Variants in ERC1 observed in about 807,000 individuals in gnomAD.
ERC1 encodes the protein ELKS/RAB6-interacting/CAST family member 1.
Under a neutral mutation model 132.0 loss-of-function variants are expected in ERC1, and 56 were observed. The observed-to-expected ratio is 0.42, with a 90% CI of 0.34 to 0.53. The LOEUF is 0.53. Among genes scored for constraint, ERC1 ranks in the 20% least tolerant of loss-of-function variants. The probability of loss-of-function intolerance (pLI) is 0.03; values close to 1 mark genes in which losing one functional copy is unlikely to be tolerated. For missense variants in ERC1, 1,202 were observed against 1,349.9 expected, an observed-to-expected ratio of 0.89 and a Z score of 1.72; for synonymous variants, 478 against 476.1, an observed-to-expected ratio of 1.00 and a Z score of -0.05.
At chr12:1,419,297 A>T (rs1327349421) in intron 17 of ERC1, among the ~76,000 whole-genome samples, 1 of 152,054 alleles carries the variant, frequency 6.6e-6, no homozygotes, top group Non-Finnish European at 1.5e-5. Flanking sequence ...GTTGACCTTA[A>T]TCTTTCTGGT....
At chr12:1,302,977 A>G (rs924497171) in intron 15 of ERC1, among the ~76,000 whole-genome samples, 1 of 152,122 alleles carries the variant, frequency 6.6e-6, no homozygotes, top group Non-Finnish European at 1.5e-5. Flanking sequence ...AGAAAAAGTT[A>G]TATGTACACT....
At chr12:1,371,396 T>C (rs1004281577) in intron 15 of ERC1, among the ~76,000 whole-genome samples, 1 of 152,222 alleles carries the variant, frequency 6.6e-6, no homozygotes, top group Non-Finnish European at 1.5e-5. Context: ...TGAATGGGAT[T>C]CCTGGCTGTA....
At chr12:1,239,955 G>A (rs2075685457) in intron 13 of ERC1, among the ~76,000 whole-genome samples, 1 of 152,194 alleles carries the variant, frequency 6.6e-6, no homozygotes, top group African/African-American at 2.4e-5. Flanking sequence ...GTTCCTGGGT[G>A]ATGATAAAAT....
intron 15 of ERC1, among the ~76,000 whole-genome samples, chr12:1,333,183 A>C (rs2083015306): frequency 6.6e-6 from 1 of 151,732 alleles, no homozygotes; most frequent in Non-Finnish European, 1.5e-5. Flanking sequence ...GCTACCACTT[A>C]CAAGTGCGAA....
At chr12:1,010,279 G>A (rs977350235) in intron 1 of ERC1, among the ~76,000 whole-genome samples, 2 of 151,810 alleles carry the variant, frequency 1.3e-5, no homozygotes, top group African/African-American at 4.8e-5. Context: ...TCAGGAGTTC[G>A]AGACCAGCCT....
At chr12:1,274,525 C>T (rs1414701458) in intron 14 of ERC1, among the ~76,000 whole-genome samples, 2 of 148,682 alleles carry the variant, frequency 1.3e-5, no homozygotes, top group African/African-American at 5.2e-5. Context: ...CAGAGTCTTG[C>T]TCTGTTGCCC....
intron 12 of ERC1, 198 bp downstream of exon 12, chr12:1,190,250 A>G: frequency 1.4e-6 from 1 of 720,770 alleles, no homozygotes; most frequent in Non-Finnish European, 2.6e-6. Context: ...TAGAATGGGA[A>G]TAAATTGGGA....
chr12:1,161,213 G>A (rs1271029949), intron 8 of ERC1, among the ~76,000 whole-genome samples: 2 of 152,112 alleles, frequency 1.3e-5, no homozygotes, highest in African/African-American at 4.8e-5. Context: ...GATACGAATG[G>A]TATACGGTGG....
At chr12:1,196,836 G>GTC (rs373521450) in intron 12 of ERC1, among the ~76,000 whole-genome samples, 2 of 49,258 alleles carry the variant, frequency 4.1e-5, no homozygotes, top group South Asian at 5.1e-4. Flanking sequence ...CTCTCTGTCT[G>GTC]TCTCTCTGTC....
chr12:1,479,011 G>C (rs1245540166), intron 18 of ERC1, among the ~76,000 whole-genome samples: 2 of 152,164 alleles, frequency 1.3e-5, no homozygotes, highest in African/African-American at 4.8e-5. Context: ...TTAATGGCAT[G>C]AGGTAGAAAT....
At chr12:1,445,014 A>G (rs2093265778) in intron 18 of ERC1, 6 of 348,552 alleles carry the variant, frequency 1.7e-5, no homozygotes, top group Non-Finnish European at 2.6e-5. Flanking sequence ...TTACTGTTTT[A>G]TTTTTTTAAT....
Position 1,490,773 on chromosome 12 carries a change from T to A in ERC1, c.*543T>A. On this transcript the variant is annotated 3_prime_UTR_variant, in exon 19 of 19. Transcript: ENST00000360905. ...AATCGACTCTTCTTTTTACTGTCTC[T>A]TCTGCTTACTTTCCACATGAGATGC... The A allele has an allele frequency of 4.3e-6, 1 of 234,202 alleles. No individual in the cohort carries two copies. Among genetic ancestry groups the A allele is most frequent in the Non-Finnish European group, 8.4e-6 (1 of 118,670 alleles). The allele number at this position is 234,202 out of a possible 1,614,324, so 14.5% of individuals were successfully genotyped here. A position where few individuals can be genotyped will look rare whatever the true frequency, so the allele number is the denominator to read the frequency against.
At chr12:1,193,469 AATAC>A (rs1333739154) in intron 12 of ERC1, among the ~76,000 whole-genome samples, 10 of 151,996 alleles carry the variant, frequency 6.6e-5, no homozygotes, top group Admixed American at 1.3e-4. Flanking sequence ...GAGATAGATA[AATAC>A]ATATATACAC....
At chr12:1,439,465 C>A (rs757824022) in intron 17 of ERC1, among the ~76,000 whole-genome samples, 5 of 152,156 alleles carry the variant, frequency 3.3e-5, no homozygotes, top group African/African-American at 4.8e-5. Context: ...TAAATTCTTA[C>A]AAGAAGAAAC....
intron 1 of ERC1, among the ~76,000 whole-genome samples, chr12:1,019,450 C>T (rs979108006): frequency 3.3e-5 from 5 of 152,168 alleles, no homozygotes; most frequent in African/African-American, 1.2e-4. Context: ...TGTGAGAATA[C>T]ACAAGCACAC....
intron 18 of ERC1, among the ~76,000 whole-genome samples, chr12:1,476,314 G>A (rs1026794098): frequency 3.3e-5 from 5 of 151,250 alleles, no homozygotes; most frequent in African/African-American, 7.3e-5. Context: ...CTAGCTACTC[G>A]GGAAGCTGAT....
rs1417977601 is a variant in ERC1 at position 1,083,589 on chromosome 12, C to G, written c.1086+9C>G. The G allele has an allele frequency of 1.7e-5, 27 of 1,563,852 alleles. No individual in the cohort carries two copies. The Admixed American group carries it at 4.8e-4, about 28-fold the overall frequency. On this transcript the variant is annotated intron_variant, in intron 3 of 18. Coordinates refer to ENST00000360905, the MANE Select transcript of ERC1 (RefSeq NM_178040.4). ...ACAGTATGTTGAGAGAGGTATGTGA[C>G]TACTTTTTTAGTTTTATGATTTGTT... is the stretch of plus-strand genomic sequence containing the variant.
At position 1,002,397 on chromosome 12, in the gene ERC1, G is replaced by C. The variant is rs1446693365; in HGVS notation, c.-157+11075G>C. 6.7e-5 allele frequency among the ~76,000 whole-genome samples: 10 copies of C among 149,080 alleles called. No homozygotes were observed. In the Admixed American group the frequency reaches 6.7e-4, roughly 10 times the overall value. On this transcript the variant is annotated intron_variant, in intron 1 of 18. Transcript: ENST00000360905. ...AGATGGAGTTTTACTATGCTGCTCA[G>C]GCTGGTCTTGAACTCCTGAGCTCAA...
chr12:1,255,717 C>G (rs932574258), intron 13 of ERC1, among the ~76,000 whole-genome samples: 6 of 132,148 alleles, frequency 4.5e-5, no homozygotes, highest in Admixed American at 1.8e-4. Context: ...ACTGCAAGTT[C>G]TGCCTCCCGG....
Sources: allele counts gnomAD v4.1 joint callset (sites outside exome capture counted in the v4.1 genomes callset), GRCh38; gene constraint gnomAD v4.1.1; transcripts MANE v1.5; gene names NCBI Gene and HGNC (gene_info 2026-07-23, HGNC 2026-07-21).